The following PCSK5 variants were observed in gnomAD, a reference collection of about 807,000 sequenced individuals.
PCSK5 encodes proprotein convertase subtilisin/kexin type 5, also known as prohormone convertase 5.
A neutral mutation model predicts 233.2 loss-of-function variants in PCSK5; 129 were observed. The observed-to-expected ratio is 0.55, with a 90% CI of 0.48 to 0.64. The LOEUF (loss-of-function observed/expected upper bound fraction) is 0.64. Ranked by LOEUF, PCSK5 falls within the 30% of genes least tolerant of loss-of-function variation. The pLI is 0.00. For synonymous variants in PCSK5, 825 were observed against 879.2 expected (o/e 0.94, Z 1.09); for missense variants, 2,076 against 2,430.1 (o/e 0.85, Z 3.06).
chr9:75,901,151 A>G (rs575323558), intron 1 of PCSK5, among the ~76,000 whole-genome samples: 26 of 152,338 alleles, frequency 1.7e-4, no homozygotes, highest in African/African-American at 5.3e-4. Context: ...AAATCATTCT[A>G]TCATAAAGAC....
chr9:76,065,396 A>G (rs1313124037), intron 5 of PCSK5, among the ~76,000 whole-genome samples: 2 of 152,058 alleles, frequency 1.3e-5, no homozygotes, highest in Non-Finnish European at 2.9e-5. Flanking sequence ...GCTGATTTGC[A>G]TTTCCCAGAT....
chr9:76,100,540 G>C (rs1387048852), intron 8 of PCSK5, among the ~76,000 whole-genome samples: 1 of 152,200 alleles, frequency 6.6e-6, no homozygotes, highest in African/African-American at 2.4e-5. Context: ...GTAAATGGTA[G>C]AGCTTGGATT....
At chr9:76,257,879 C>G (rs1827035311) in intron 24 of PCSK5, among the ~76,000 whole-genome samples, 1 of 152,192 alleles carries the variant, frequency 6.6e-6, no homozygotes. Context: ...CTGTAGCAAC[C>G]AACTTTCCTT....
In PCSK5 at chr9:76,282,145, T is replaced by TTTTTTTTTTTTTTTTTTTTTTC. The variant is rs1286020691; in HGVS notation, c.3143-10086_3143-10085insTTTTTTTTTTTTTTTTTTTCTT. Among the ~76,000 whole-genome samples the TTTTTTTTTTTTTTTTTTTTTTC allele has an allele frequency of 2.6e-4, 26 of 98,988 alleles. 8 individuals are homozygous for TTTTTTTTTTTTTTTTTTTTTTC. Among genetic ancestry groups the TTTTTTTTTTTTTTTTTTTTTTC allele is most frequent in the Non-Finnish European group, 5.2e-4 (25 of 48,198 alleles). The allele number at this position is 98,988 out of a possible 152,430, so 64.9% of individuals were successfully genotyped here. On this transcript the variant is annotated intron_variant, in intron 24 of 37. Transcript: ENST00000674117. ...CTTTTTTTTTTTTTTTTTTTTTTTT[T>TTTTTTTTTTTTTTTTTTTTTTC]TTCGCTCTGTTGCCCAGGCTGGAGC... is the stretch of plus-strand genomic sequence containing the variant.
intron 3 of PCSK5, among the ~76,000 whole-genome samples, chr9:76,017,551 G>C (rs770911185): frequency 6.6e-6 from 1 of 152,166 alleles, no homozygotes; most frequent in Non-Finnish European, 1.5e-5. Context: ...AAGTCATACA[G>C]CTGGAAAGTA....
Position 76,227,567 on chromosome 9 carries a change from A to C in PCSK5, c.2691A>C (p.Gly897=). Residue 897 remains glycine (G), a synonymous_variant, in exon 21 of 38, where the codon GGA becomes GGC. Coordinates refer to ENST00000674117, the MANE Select transcript of PCSK5 (RefSeq NM_001372043.1). ...TCEASCAKCQ[G]PTQEDCTTCP... ...AGGCCTCATGTGCCAAGTGCCAGGG[A>C]CCAACCCAGGAAGACTGCACTACCT... 6.2e-7 allele frequency: 1 copy of C among 1,612,052 alleles called. No homozygotes were observed. The highest frequency in any genetic ancestry group is 8.5e-7 in the Non-Finnish European group (1 of 1,179,548).
In PCSK5 at chr9:76,188,494, C is replaced by T. The variant is rs1564092667; in HGVS notation, c.2283-84C>T. 1.1e-5 allele frequency: 9 copies of T among 824,658 alleles called. 1 individual carries two copies. The highest frequency in any genetic ancestry group is 1.8e-5 in the Non-Finnish European group (9 of 487,146). 51.1% of individuals were successfully genotyped at this position (824,658 alleles called of 1,614,324 possible). A position where few individuals can be genotyped will look rare whatever the true frequency, so the allele number is the denominator to read the frequency against. ...CACTGGCCTCTGAGGGAAACTGTAT[C>T]TGTTACATATGGAGTTTGGGGAGTC... On this transcript the variant is annotated intron_variant, in intron 17 of 37. Transcript: ENST00000674117.
At chr9:75,896,851 C>T (rs927722309) in intron 1 of PCSK5, among the ~76,000 whole-genome samples, 4 of 152,122 alleles carry the variant, frequency 2.6e-5, no homozygotes, top group Non-Finnish European at 5.9e-5. Context: ...AGTAAAATTA[C>T]TCATGAGTGT....
chr9:76,004,139 G>C (rs774338209), intron 3 of PCSK5, among the ~76,000 whole-genome samples: 1 of 151,996 alleles, frequency 6.6e-6, no homozygotes, highest in Non-Finnish European at 1.5e-5. Context: ...GAGCTCCTCT[G>C]CCTTATTGCA....
intron 5 of PCSK5, among the ~76,000 whole-genome samples, chr9:76,035,908 A>G (rs546966002): frequency 6.6e-6 from 1 of 152,254 alleles, no homozygotes; most frequent in Admixed American, 6.5e-5. Flanking sequence ...ACATCCAAGA[A>G]CTTTCAAATC....
intron 9 of PCSK5, among the ~76,000 whole-genome samples, chr9:76,125,195 C>G (rs2131725561): frequency 6.6e-6 from 1 of 152,240 alleles, no homozygotes; most frequent in South Asian, 2.1e-4. Context: ...CAGACTTACT[C>G]AAATCTGCCA....
chr9:75,920,844 A>G (rs1823227203), intron 1 of PCSK5, among the ~76,000 whole-genome samples: 1 of 152,082 alleles, frequency 6.6e-6, no homozygotes, highest in Non-Finnish European at 1.5e-5. Context: ...ACAAATAAAA[A>G]AATGCTATAG....
intron 20 of PCSK5, among the ~76,000 whole-genome samples, chr9:76,190,665 G>A: frequency 6.6e-6 from 1 of 152,074 alleles, no homozygotes; most frequent in East Asian, 1.9e-4. Flanking sequence ...AATTAAATGG[G>A]TATCTGAATC....
chr9:76,080,580 A>G (rs1830799527), intron 7 of PCSK5, among the ~76,000 whole-genome samples: 1 of 152,202 alleles, frequency 6.6e-6, no homozygotes, highest in Admixed American at 6.5e-5. Context: ...AATATTCTAG[A>G]AATGTTATAA....
At chr9:76,189,054 G>A (rs1564093322) in intron 18 of PCSK5, 40 bp from the exon 19 acceptor site, 2 of 1,602,512 alleles carry the variant, frequency 1.2e-6, no homozygotes, top group South Asian at 1.1e-5. Context: ...CCTCCTCTGA[G>A]GTTTTATTTC....
intron 28 of PCSK5, 41 bp from the exon 29 acceptor site, chr9:76,308,604 T>G (rs1171689540): frequency 1.6e-5 from 19 of 1,180,026 alleles, no homozygotes; most frequent in Non-Finnish European, 2.2e-5. Context: ...TATGTGCCTA[T>G]TCCAAGGAGA....
chr9:76,209,191 T>G (rs1316775135), intron 20 of PCSK5, among the ~76,000 whole-genome samples: 2 of 152,210 alleles, frequency 1.3e-5, no homozygotes, highest in African/African-American at 4.8e-5. Context: ...GTAATTAACC[T>G]TGTCAACTAA....
At position 76,071,964 on chromosome 9, in the gene PCSK5, A is replaced by T. The variant is rs548122661; in HGVS notation, c.894+66A>T. 15 of 1,457,318 alleles carry T rather than the reference A, an allele frequency of 1.0e-5. No homozygotes were observed. The African/African-American group carries it at 2.0e-4, about 19-fold the overall frequency. 90.3% of individuals were successfully genotyped at this position (1,457,318 alleles called of 1,614,324 possible). A position where few individuals can be genotyped will look rare whatever the true frequency, so the allele number is the denominator to read the frequency against. ...GTGATGATTCTCATATGAAGAATCT[A>T]TGGGTTTCCAGCTGCAGTCTAGAGA... On this transcript the variant is annotated intron_variant, in intron 7 of 37. Transcript: ENST00000674117.
chr9:76,025,222 G>A (rs576370653), intron 4 of PCSK5, among the ~76,000 whole-genome samples: 30 of 152,152 alleles, frequency 2.0e-4, no homozygotes, highest in African/African-American at 6.5e-4. Flanking sequence ...TTACTTTCAC[G>A]AACATTGAAA....
Sources: allele counts gnomAD v4.1 joint callset (sites outside exome capture counted in the v4.1 genomes callset), GRCh38; gene constraint gnomAD v4.1.1; transcripts MANE v1.5; gene names NCBI Gene and HGNC (gene_info 2026-07-23, HGNC 2026-07-21).